OR51B5: variants seen among roughly 807,000 people sequenced by gnomAD.
OR51B5 encodes the protein olfactory receptor family 51 subfamily B member 5.
For missense variants in OR51B5, 456 were observed against 374.6 expected (o/e 1.22, Z -1.79); for synonymous variants, 186 against 144.8 (o/e 1.28, Z -2.04).
intron 1 of OR51B5, among the ~76,000 whole-genome samples, chr11:5,500,932 T>G (rs1439725145): frequency 6.7e-6 from 1 of 148,270 alleles, no homozygotes; most frequent in East Asian, 1.9e-4. Flanking sequence ...TCTGCCATTA[T>G]TTTAGGTTGA....
Position 5,363,457 on chromosome 11 carries a change from ACTCTCTCT to A in OR51B5, n.85-16555_85-16548del, listed in dbSNP as rs10565063. 4.4e-3 allele frequency among the ~76,000 whole-genome samples: 658 copies of A among 150,186 alleles called. 4 individuals are homozygous for A. Among genetic ancestry groups the A allele is most frequent in the African/African-American group, 0.016 (633 of 40,768 alleles). Reference sequence around the variant, plus strand: ...AACCTCTTGACACACATACACACACACTCTCTCTCTCACACAAAAGCGCCACACACACA... The same window carrying A: ...AACCTCTTGACACACATACACACACACTCACACAAAAGCGCCACACACACA... On this transcript the variant is annotated intron_variant and non_coding_transcript_variant, in intron 1 of 4. Coordinates refer to the OR51B5 transcript ENST00000415970.
At position 5,487,024 on chromosome 11, in the gene OR51B5, T is replaced by C. The variant is rs919092975; in HGVS notation, n.84+18545A>G. On this transcript the variant is annotated intron_variant and non_coding_transcript_variant, in intron 1 of 4. Transcript: ENST00000415970. ...AATTGATATTAGACAAAAAAGATAT[T>C]AGCCTCATTTGAAAGAGATAGGAAT... is the stretch of plus-strand genomic sequence containing the variant. Among the ~76,000 whole-genome samples, 4 of 152,252 alleles carry C rather than the reference T, an allele frequency of 2.6e-5. No homozygotes were observed. In the East Asian group the frequency reaches 7.7e-4, roughly 29 times the overall value.
At position 5,500,606 on chromosome 11, in the gene OR51B5, G is replaced by A. The variant is rs190449942; in HGVS notation, n.84+4963C>T. Among the ~76,000 whole-genome samples, 30 of 148,030 alleles carry A rather than the reference G, an allele frequency of 2.0e-4. 2 individuals are homozygous for A. Among genetic ancestry groups the A allele is most frequent in the Non-Finnish European group, 3.3e-4 (22 of 66,078 alleles). ...CACCTTGCAATTAAGCCGCTTCGAC[G>A]AGGACATCTTTCCAGTAATAGTCCT... On this transcript the variant is annotated intron_variant and non_coding_transcript_variant, in intron 1 of 4. Transcript: ENST00000415970.
intron 1 of OR51B5, among the ~76,000 whole-genome samples, chr11:5,388,980 T>C (rs1849746641): frequency 6.6e-6 from 1 of 152,162 alleles, no homozygotes; most frequent in Admixed American, 6.5e-5. Context: ...CAGATGTTGC[T>C]AGAGTCTGGA....
chr11:5,370,716 A>C (rs1849434416), intron 1 of OR51B5, among the ~76,000 whole-genome samples: 1 of 152,206 alleles, frequency 6.6e-6, no homozygotes, highest in South Asian at 2.1e-4. Flanking sequence ...GTTCCTATGA[A>C]GCTTGTATTT....
intron 1 of OR51B5, among the ~76,000 whole-genome samples, chr11:5,375,853 T>A (rs1466129118): frequency 1.3e-5 from 2 of 152,006 alleles, no homozygotes; most frequent in East Asian, 3.9e-4. Flanking sequence ...CTCCCACACT[T>A]TAATAATGGG....
At chr11:5,345,261 A>C (rs1848973630), upstream of OR51B5, among the ~76,000 whole-genome samples, 1 of 152,282 alleles carries the variant, frequency 6.6e-6, no homozygotes, top group Admixed American at 6.5e-5. Context: ...TGCTATGTGA[A>C]GAAGACTAAG....
At chr11:5,351,959 G>A in intron 1 of OR51B5, 4 of 1,613,054 alleles carry the variant, frequency 2.5e-6, no homozygotes, top group East Asian at 2.2e-5. Flanking sequence ...ACAAGGGCTG[G>A]TCTGTCCATT....
intron 1 of OR51B5, among the ~76,000 whole-genome samples, chr11:5,401,366 C>T (rs75150920): frequency 9.4e-4 from 143 of 152,316 alleles, no homozygotes; most frequent in African/African-American, 3.2e-3. Flanking sequence ...CATCCACGAA[C>T]GTAGGTTCCT....
rs1347013105 is a variant in OR51B5, at chr11:5,359,391, C to A, written n.85-12481G>T. Among the ~76,000 whole-genome samples, 4 of 140,276 alleles carry A rather than the reference C, an allele frequency of 2.9e-5. 1 individual carries two copies. The Admixed American group carries it at 2.9e-4, about 10-fold the overall frequency. The allele number at this position is 140,276 out of a possible 152,430, so 92.0% of individuals were successfully genotyped here. ...CAAATCATGAGGGAACTCCCATTCA[C>A]AATTGCTTCAAAGAGAATAAAATAC... is the stretch of plus-strand genomic sequence containing the variant. On this transcript the variant is annotated intron_variant and non_coding_transcript_variant, in intron 1 of 4. Coordinates refer to the OR51B5 transcript ENST00000415970.
intron 1 of OR51B5, among the ~76,000 whole-genome samples, chr11:5,458,054 T>C (rs1182862834): frequency 6.6e-6 from 1 of 152,206 alleles, no homozygotes; most frequent in African/African-American, 2.4e-5. Flanking sequence ...TTGTCCAGAA[T>C]GGTATTTCCT....
intron 1 of OR51B5, among the ~76,000 whole-genome samples, chr11:5,408,691 A>C (rs1850099076): frequency 6.6e-6 from 1 of 152,130 alleles, no homozygotes; most frequent in Admixed American, 6.5e-5. Flanking sequence ...ACCATTTTAT[A>C]ATCCAAACAT....
chr11:5,423,280 C>A, intron 1 of OR51B5: 1 of 1,267,090 alleles, frequency 7.9e-7, no homozygotes, highest in Non-Finnish European at 1.0e-6. Context: ...AAGTCCCTGG[C>A]TTTTAGCATG....
intron 1 of OR51B5, among the ~76,000 whole-genome samples, chr11:5,406,965 C>A (rs1015657940): frequency 2.6e-5 from 4 of 152,158 alleles, no homozygotes; most frequent in Admixed American, 1.3e-4. Context: ...TTGTACTACA[C>A]CTTTTCTAGT....
At chr11:5,406,303 T>A (rs773412142) in intron 1 of OR51B5, among the ~76,000 whole-genome samples, 2 of 152,216 alleles carry the variant, frequency 1.3e-5, no homozygotes, top group Non-Finnish European at 2.9e-5. Context: ...CATTCTAGAA[T>A]GGATTTCTTT....
At chr11:5,402,897 C>G (rs768388053) in intron 1 of OR51B5, 4 of 471,336 alleles carry the variant, frequency 8.5e-6, no homozygotes, top group South Asian at 6.2e-5. Context: ...TGAAGCTTGT[C>G]TTTTTCCAGA....
intron 1 of OR51B5, among the ~76,000 whole-genome samples, chr11:5,365,210 G>A (rs1849346275): frequency 6.6e-6 from 1 of 152,224 alleles, no homozygotes; most frequent in Non-Finnish European, 1.5e-5. Context: ...TTTAAAATAA[G>A]TTGTCTATTA....
intron 1 of OR51B5, among the ~76,000 whole-genome samples, chr11:5,349,384 T>C (rs966408610): frequency 6.7e-6 from 1 of 150,144 alleles, no homozygotes; most frequent in Non-Finnish European, 1.5e-5. Flanking sequence ...TTATTTTCCC[T>C]ATCTGGTATT....
chr11:5,432,394 G>A (rs1187061122), intron 1 of OR51B5, among the ~76,000 whole-genome samples: 1 of 152,090 alleles, frequency 6.6e-6, no homozygotes, highest in Non-Finnish European at 1.5e-5. Context: ...TGTGTGATGT[G>A]TTCAACTTAT....
Sources: allele counts gnomAD v4.1 joint callset (sites outside exome capture counted in the v4.1 genomes callset), GRCh38; gene constraint gnomAD v4.1.1; transcripts MANE v1.5; gene names NCBI Gene and HGNC (gene_info 2026-07-23, HGNC 2026-07-21).